Variants in CNBD1 observed in about 807,000 individuals in gnomAD.
The protein encoded by CNBD1 is cyclic nucleotide binding domain containing 1.
CNBD1 carries 71 observed loss-of-function variants against 54.4 expected under a neutral mutation model. That is an observed-to-expected ratio of 1.30 (90% CI 1.08 to 1.59). The LOEUF is 1.59. Among genes scored for constraint, CNBD1 ranks in the 40% most tolerant of loss-of-function variants. CNBD1 has a pLI of 0.00. For missense variants in CNBD1, 659 were observed against 518.0 expected (o/e 1.27, Z -2.64); for synonymous variants, 182 against 170.7 (o/e 1.07, Z -0.51).
chr8:87,029,168 T>C (rs1809724120), intron 4 of CNBD1, among the ~76,000 whole-genome samples: 1 of 152,238 alleles, frequency 6.6e-6, no homozygotes, highest in Non-Finnish European at 1.5e-5. Context: ...AATGTGTTTC[T>C]ACTCCAATTC....
intron 8 of CNBD1, among the ~76,000 whole-genome samples, chr8:87,331,390 T>C (rs1261319118): frequency 6.6e-6 from 1 of 152,222 alleles, no homozygotes; most frequent in Non-Finnish European, 1.5e-5. Context: ...AAGGACATGA[T>C]CTCATTCCTT....
chr8:86,877,004 T>C (rs928997794), intron 1 of CNBD1, among the ~76,000 whole-genome samples: 2 of 152,108 alleles, frequency 1.3e-5, no homozygotes, highest in Non-Finnish European at 2.9e-5. Context: ...GTCTATTTCT[T>C]GATTTATCAA....
rs1050099646 is a variant in CNBD1 at position 87,312,759 on chromosome 8, A to G, written c.1042+26088A>G. On this transcript the variant is annotated intron_variant, in intron 8 of 10. Transcript: ENST00000518476. Reference sequence around the variant, plus strand: ...TTTAGAAGACTCAGAAATTTCAGCTAGGAATATTCCATAAAAATTTTTTTC... The same window carrying G: ...TTTAGAAGACTCAGAAATTTCAGCTGGGAATATTCCATAAAAATTTTTTTC... 2.6e-5 allele frequency among the ~76,000 whole-genome samples: 4 copies of G among 152,030 alleles called. 1 individual carries two copies. The highest frequency in any genetic ancestry group is 4.1e-4 in the South Asian group (2 of 4,828).
At chr8:86,944,829 TGTTAGA>T (rs1259215529) in intron 4 of CNBD1, among the ~76,000 whole-genome samples, 2 of 152,178 alleles carry the variant, frequency 1.3e-5, no homozygotes, top group African/African-American at 2.4e-5. Flanking sequence ...CAGAGTGACC[TGTTAGA>T]GTGCTGTGAA....
chr8:87,362,365 C>G (rs1275700416), intron 10 of CNBD1, among the ~76,000 whole-genome samples: 5 of 152,002 alleles, frequency 3.3e-5, no homozygotes, highest in Non-Finnish European at 1.5e-5. Context: ...TGTGTTTATC[C>G]AAGTTCAGGA....
intron 4 of CNBD1, among the ~76,000 whole-genome samples, chr8:87,148,477 T>C (rs2130745853): frequency 6.6e-6 from 1 of 152,326 alleles, no homozygotes; most frequent in Non-Finnish European, 1.5e-5. Flanking sequence ...GAGATTCAAA[T>C]GGGTTAATGA....
At chr8:86,909,753 C>G (rs570521798) in intron 3 of CNBD1, among the ~76,000 whole-genome samples, 1 of 152,256 alleles carries the variant, frequency 6.6e-6, no homozygotes, top group South Asian at 2.1e-4. Context: ...AATCTGAGAA[C>G]CCTGGCTTAA....
intron 4 of CNBD1, among the ~76,000 whole-genome samples, chr8:87,131,646 TGA>T (rs1188196319): frequency 6.6e-6 from 1 of 152,072 alleles, no homozygotes. Context: ...GCATCTCTCT[TGA>T]GAGTTTCTTT....
chr8:87,417,341 G>A (rs775290836), intron 2 of CNBD1, among the ~76,000 whole-genome samples: 4 of 151,978 alleles, frequency 2.6e-5, no homozygotes, highest in Non-Finnish European at 4.4e-5. Context: ...CTCATGACAT[G>A]TAGGGATTAT....
chr8:87,356,564 A>G (rs1295624159), intron 10 of CNBD1, among the ~76,000 whole-genome samples: 7 of 152,188 alleles, frequency 4.6e-5, no homozygotes, highest in Admixed American at 2.6e-4. Context: ...GCAGCAAAAC[A>G]TTCAAGAATT....
In CNBD1 at chr8:87,407,605, A is replaced by G. The variant is rs181508668; in HGVS notation, c.214-20941A>G. ...TTCAGATTGATTTGTATGGACTTTC[A>G]CTTCAACCATCTGTTTATAAAAATT... On this transcript the variant is annotated intron_variant, in intron 2 of 7. Transcript: ENST00000521593. Among the ~76,000 whole-genome samples, 857 of 152,142 alleles carry G rather than the reference A, an allele frequency of 5.6e-3. 2 individuals carry two copies. Among genetic ancestry groups the G allele is most frequent in the Non-Finnish European group, 8.5e-3 (578 of 67,928 alleles).
chr8:86,900,487 T>C (rs1808915901), intron 2 of CNBD1, among the ~76,000 whole-genome samples: 5 of 152,234 alleles, frequency 3.3e-5, no homozygotes, highest in Non-Finnish European at 7.3e-5. Flanking sequence ...GTGAGGCTTC[T>C]AGCCCTGTGA....
chr8:87,171,292 G>T (rs1278757948), intron 4 of CNBD1, among the ~76,000 whole-genome samples: 1 of 151,834 alleles, frequency 6.6e-6, no homozygotes, highest in East Asian at 1.9e-4. Context: ...TCTAGATTTT[G>T]CAATATGTTG....
intron 4 of CNBD1, among the ~76,000 whole-genome samples, chr8:86,950,059 T>G (rs1807573519): frequency 4.6e-5 from 3 of 65,022 alleles, no homozygotes; most frequent in Non-Finnish European, 6.2e-5. Flanking sequence ...CGGGTTTTTT[T>G]TTTTTTTTTT....
chr8:86,948,874 G>T (rs572569943), intron 4 of CNBD1, among the ~76,000 whole-genome samples: 9 of 152,034 alleles, frequency 5.9e-5, no homozygotes, highest in Non-Finnish European at 1.0e-4. Context: ...TTTCATAGTA[G>T]TTTCATAGTT....
intron 10 of CNBD1, among the ~76,000 whole-genome samples, chr8:87,363,009 G>C (rs78251986): frequency 1.3e-5 from 2 of 151,566 alleles, no homozygotes; most frequent in South Asian, 2.1e-4. Flanking sequence ...CCTCTAGTAC[G>C]CCCCACCCAA....
intron 4 of CNBD1, among the ~76,000 whole-genome samples, chr8:87,087,412 G>T (rs1811122028): frequency 6.7e-6 from 1 of 150,108 alleles, no homozygotes; most frequent in Admixed American, 6.6e-5. Context: ...GCATTTTGTT[G>T]AAGAACGTTG....
chr8:86,981,192 T>C (rs1438078171), intron 4 of CNBD1, among the ~76,000 whole-genome samples: 1 of 152,236 alleles, frequency 6.6e-6, no homozygotes, highest in Non-Finnish European at 1.5e-5. Context: ...CGCGCGCGCA[T>C]TGTGTACTCA....
Position 87,382,852 on chromosome 8 carries a change from T to C in CNBD1, c.*225T>C. ...CTAAAATAAATATAGTTATCATTGC[T>C]TGATTTACCTCTGTTGATACGAAGG... On this transcript the variant is annotated 3_prime_UTR_variant, in exon 11 of 11. Transcript: ENST00000518476. The C allele has an allele frequency of 2.4e-6, 1 of 412,960 alleles. No individual in the cohort carries two copies. Among genetic ancestry groups the C allele is most frequent in the Middle Eastern group, 6.4e-4 (1 of 1,552 alleles). The allele number at this position is 412,960 out of a possible 1,614,324, so 25.6% of individuals were successfully genotyped here.
Sources: gnomAD v4.1 joint callset for allele counts (sites outside exome capture counted in the v4.1 genomes callset) on GRCh38, gnomAD v4.1.1 for gene constraint, MANE v1.5 for transcripts, NCBI Gene and HGNC (gene_info 2026-07-23, HGNC 2026-07-21) for gene names.